Variants in TSNARE1 observed in about 807,000 individuals in gnomAD.
TSNARE1 encodes the protein t-SNARE domain-containing protein 1.
In TSNARE1, 49 loss-of-function variants were observed where a neutral mutation model predicts 62.0. That is an observed-to-expected ratio of 0.79 (90% confidence interval 0.63 to 1.00). TSNARE1 has a LOEUF of 1.00. TSNARE1 is among the 50% of genes least tolerant of loss of function. The probability of loss-of-function intolerance (pLI) is 0.00; values close to 1 mark genes in which losing one functional copy is unlikely to be tolerated. For synonymous variants in TSNARE1, 328 were observed against 294.4 expected (o/e 1.11, Z -1.17); for missense variants, 755 against 700.1 (o/e 1.08, Z -0.88).
At chr8:142,220,188 G>C (rs930960491) in intron 13 of TSNARE1, among the ~76,000 whole-genome samples, 4 of 152,254 alleles carry the variant, frequency 2.6e-5, no homozygotes, top group Non-Finnish European at 5.9e-5. Context: ...ACACCGGGTG[G>C]GCTGCAGGCC....
chr8:142,292,822 C>T (rs1170859633), intron 10 of TSNARE1, among the ~76,000 whole-genome samples: 1 of 152,152 alleles, frequency 6.6e-6, no homozygotes, highest in Non-Finnish European at 1.5e-5. Context: ...GTTCCCAGCC[C>T]TATCCCAGAC....
intron 10 of TSNARE1, among the ~76,000 whole-genome samples, chr8:142,290,767 T>C (rs1282467675): frequency 2.0e-5 from 3 of 152,256 alleles, no homozygotes; most frequent in African/African-American, 7.2e-5. Context: ...GCCTGGGGCC[T>C]TGGAGCCCCG....
At chr8:142,372,002 G>A (rs1345149687) in intron 1 of TSNARE1, among the ~76,000 whole-genome samples, 2 of 152,178 alleles carry the variant, frequency 1.3e-5, no homozygotes, top group Non-Finnish European at 2.9e-5. Flanking sequence ...TCCAGGAAAT[G>A]TGTGGTGATT....
chr8:142,342,329 C>T (rs1416626741), intron 4 of TSNARE1, among the ~76,000 whole-genome samples: 1 of 151,064 alleles, frequency 6.6e-6, no homozygotes, highest in Non-Finnish European at 1.5e-5. Flanking sequence ...CTGCCCCGTC[C>T]AGGTGGGGCT....
intron 8 of TSNARE1, 119 bp from the exon 9 acceptor site, chr8:142,314,559 C>T (rs923628509): frequency 7.5e-5 from 63 of 839,130 alleles, no homozygotes; most frequent in Middle Eastern, 2.8e-4. Flanking sequence ...ACGCCTGCCA[C>T]TCCCAGAAGA....
chr8:142,302,584 G>A (rs762999273), intron 9 of TSNARE1, among the ~76,000 whole-genome samples: 5 of 152,176 alleles, frequency 3.3e-5, no homozygotes, highest in South Asian at 2.1e-4. Flanking sequence ...AGCCCTCTGC[G>A]GGGAACATAA....
chr8:142,314,293 G>A, intron 9 of TSNARE1, 91 bp downstream of exon 9: 1 of 1,259,134 alleles, frequency 7.9e-7, no homozygotes. Context: ...CCTGCCCTTG[G>A]CCCTCCCCGC....
intron 11 of TSNARE1, among the ~76,000 whole-genome samples, chr8:142,282,559 G>A (rs1383486473): frequency 6.6e-6 from 1 of 151,412 alleles, no homozygotes; most frequent in Non-Finnish European, 1.5e-5. Context: ...GGCGGGACCA[G>A]TGTCTGTCAA....
At chr8:142,266,313 T>C (rs111973537) in intron 12 of TSNARE1, among the ~76,000 whole-genome samples, 1 of 152,360 alleles carries the variant, frequency 6.6e-6, no homozygotes, top group Non-Finnish European at 1.5e-5. Context: ...ATTTACCAAT[T>C]TCTTGGTTCA....
chr8:142,338,829 T>C (rs940028018), intron 4 of TSNARE1, among the ~76,000 whole-genome samples: 2 of 152,120 alleles, frequency 1.3e-5, no homozygotes, highest in African/African-American at 4.8e-5. Context: ...CAGGGCATGG[T>C]GTGTGCCCGA....
chr8:142,262,812 G>A (rs1002403002), intron 12 of TSNARE1, among the ~76,000 whole-genome samples: 2 of 152,144 alleles, frequency 1.3e-5, no homozygotes, highest in African/African-American at 4.8e-5. Context: ...CTGCAGAACC[G>A]TGAGCCAATC....
intron 11 of TSNARE1, 55 bp downstream of exon 11, chr8:142,284,358 C>A: frequency 6.9e-7 from 1 of 1,442,212 alleles, no homozygotes; most frequent in Non-Finnish European, 9.7e-7. Context: ...GGGCTGGGGG[C>A]TGGCAGGCAG....
intron 9 of TSNARE1, among the ~76,000 whole-genome samples, chr8:142,301,374 A>G (rs372670270): frequency 2.7e-5 from 2 of 74,578 alleles, no homozygotes; most frequent in Non-Finnish European, 5.0e-5. Context: ...CCATGCCAGC[A>G]GGCCTTCCTT....
chr8:142,360,883 T>C lies in TSNARE1; in HGVS notation c.-39-6120A>G, dbSNP rs34158565. ...CAACTCCTGGGCTGTGGGGCCAGTG[T>C]GGGGGTCTTGAGCCCTTCAGTCAGA... On this transcript the variant is annotated intron_variant, in intron 1 of 13. Coordinates refer to ENST00000524325, the MANE Select transcript of TSNARE1 (RefSeq NM_145003.5). 6.0e-3 allele frequency among the ~76,000 whole-genome samples: 917 copies of C among 152,274 alleles called. 10 individuals carry two copies. Among genetic ancestry groups the C allele is most frequent in the African/African-American group, 0.021 (860 of 41,560 alleles).
chr8:142,272,818 C>T (rs535640701), intron 12 of TSNARE1: 7 of 984,224 alleles, frequency 7.1e-6, no homozygotes, highest in Middle Eastern at 5.2e-4. Flanking sequence ...GGGAGGGCCC[C>T]TCGCAGGCGG....
intron 1 of TSNARE1, among the ~76,000 whole-genome samples, chr8:142,384,267 C>T (rs991936944): frequency 1.3e-5 from 2 of 152,216 alleles, no homozygotes; most frequent in Admixed American, 1.3e-4. Context: ...GTATCCCCTA[C>T]ATCCCCATCC....
At chr8:142,262,049 C>T (rs1818920509) in intron 12 of TSNARE1, among the ~76,000 whole-genome samples, 1 of 152,250 alleles carries the variant, frequency 6.6e-6, no homozygotes, top group Non-Finnish European at 1.5e-5. Context: ...CTCACGCCAA[C>T]CTGCTCATGG....
intron 1 of TSNARE1, among the ~76,000 whole-genome samples, chr8:142,401,618 G>A (rs1482251438): frequency 2.6e-5 from 4 of 152,164 alleles, no homozygotes; most frequent in Non-Finnish European, 4.4e-5. Flanking sequence ...CCAGACTCAG[G>A]GGAAGTGTCC....
intron 9 of TSNARE1, among the ~76,000 whole-genome samples, chr8:142,305,038 T>C (rs757649125): frequency 6.6e-6 from 1 of 152,060 alleles, no homozygotes; most frequent in Non-Finnish European, 1.5e-5. Flanking sequence ...GACGGAGATG[T>C]AGGAGCCTGC....
Sources: gnomAD v4.1 joint callset for allele counts (sites outside exome capture counted in the v4.1 genomes callset) on GRCh38, gnomAD v4.1.1 for gene constraint, MANE v1.5 for transcripts, NCBI Gene and HGNC (gene_info 2026-07-23, HGNC 2026-07-21) for gene names.